The following ECE1 variants were observed in gnomAD, a reference collection of about 807,000 sequenced individuals.
ECE1 encodes the protein endothelin converting enzyme 1, also known as endothelin-converting enzyme 1.
In ECE1, 35 loss-of-function variants were observed where a neutral mutation model predicts 98.6. The observed-to-expected ratio is 0.35, with a 90% CI of 0.27 to 0.47. ECE1 has a LOEUF of 0.47. ECE1 is among the 20% of genes least tolerant of loss of function. The probability of loss-of-function intolerance (pLI) is 1.00; values close to 1 mark genes in which losing one functional copy is unlikely to be tolerated. For synonymous variants in ECE1, 394 were observed against 407.1 expected (o/e 0.97, Z 0.39); for missense variants, 814 against 1,025.3 (o/e 0.79, Z 2.81).
At position 21,221,851 on chromosome 1, in the gene ECE1, A is replaced by G. The variant is rs766352084; in HGVS notation, c.2041-9T>C. The G allele has an allele frequency of 1.2e-6, 2 of 1,613,832 alleles. No individual in the cohort carries two copies. Among genetic ancestry groups the G allele is most frequent in the Admixed American group, 3.3e-5 (2 of 60,004 alleles). Reference sequence around the variant, plus strand: ...ACCCAGTTCTGGTAAGCCTGGGAGGAGAGAAAACCAAAGCTCAGGGGTTCC... The same window carrying G: ...ACCCAGTTCTGGTAAGCCTGGGAGGGGAGAAAACCAAAGCTCAGGGGTTCC... On this transcript the variant is annotated splice_polypyrimidine_tract_variant and intron_variant, in intron 17 of 18. Transcript: ENST00000374893.
chr1:21,247,457 G>A, intron 8 of ECE1, 94 bp from the exon 9 acceptor site: 1 of 1,592,176 alleles, frequency 6.3e-7, no homozygotes, highest in Non-Finnish European at 8.6e-7. Flanking sequence ...AAAGGAAAGA[G>A]CTTGGGCTTG....
rs1024204978 is a variant in ECE1, at chr1:21,258,690, C to G, written c.762+3G>C. On this transcript the variant is annotated splice_donor_region_variant and intron_variant, in intron 6 of 18. Transcript: ENST00000374893. This position sits in a 1 kb window ranked among gnomAD's most constrained non-coding sequence, Gnocchi z 4.2. The stretch of plus-strand genomic sequence containing the variant: ...CGACCGCTGCAGGTTCAAGCTAGCT[C>G]ACCTGGATCACGTTGCTGTTGGAGT... The G allele has an allele frequency of 5.0e-6, 8 of 1,612,640 alleles. No individual in the cohort carries two copies. Among genetic ancestry groups the G allele is most frequent in the Non-Finnish European group, 6.8e-6 (8 of 1,179,202 alleles).
chr1:21,332,918 A>T (rs1639232669), intron 1 of ECE1, among the ~76,000 whole-genome samples: 1 of 152,024 alleles, frequency 6.6e-6, no homozygotes, highest in African/African-American at 2.4e-5. Flanking sequence ...ACATGTGTCA[A>T]CACTGTTACA....
At chr1:21,274,050 A>T (rs1024058162) in intron 3 of ECE1, among the ~76,000 whole-genome samples, 6 of 152,198 alleles carry the variant, frequency 3.9e-5, no homozygotes, top group Non-Finnish European at 5.9e-5. Context: ...GACCAAAGGG[A>T]CTTTACTGAA....
chr1:21,292,089 G>C (rs1219562354), upstream of ECE1, among the ~76,000 whole-genome samples: 1 of 151,964 alleles, frequency 6.6e-6, no homozygotes, highest in African/African-American at 2.4e-5. Flanking sequence ...CCAGGAGGTG[G>C]CGGCTACAGT....
chr1:21,238,425 AC>A (rs1184677428), intron 10 of ECE1, 181 bp from the exon 11 acceptor site: 1 of 644,140 alleles, frequency 1.6e-6, no homozygotes, highest in African/African-American at 1.8e-5. Context: ...CCTCACTCCC[AC>A]CCCCTGCCAT....
At chr1:21,241,810 T>G (rs1320642555) in intron 10 of ECE1, among the ~76,000 whole-genome samples, 1 of 151,992 alleles carries the variant, frequency 6.6e-6, no homozygotes, top group African/African-American at 2.4e-5. Flanking sequence ...CACGAAGTCC[T>G]GGAAGTACTA....
At chr1:21,268,684 G>C (rs949529339) in intron 4 of ECE1, among the ~76,000 whole-genome samples, 2 of 152,212 alleles carry the variant, frequency 1.3e-5, no homozygotes, top group African/African-American at 2.4e-5. Context: ...GAGTGGCCTG[G>C]GCACCTCCGG....
Position 21,279,190 on chromosome 1 carries a change from C to T in ECE1, c.280+1G>A. On this transcript the variant is annotated splice_donor_variant, in intron 3 of 18. Transcript: ENST00000374893. LOFTEE classifies it high-confidence loss of function. ...CCACCATGCAACACGAAGGCACCTACTTGTCTGGTACTGGATGCCCAGTGC... is the reference window on the plus strand; with the variant it reads ...CCACCATGCAACACGAAGGCACCTATTTGTCTGGTACTGGATGCCCAGTGC... 6.2e-7 allele frequency: 1 copy of T among 1,614,196 alleles called. No homozygotes were observed. Among genetic ancestry groups the T allele is most frequent in the Non-Finnish European group, 8.5e-7 (1 of 1,180,036 alleles).
chr1:21,234,401 A>G (rs1282369257), intron 13 of ECE1, among the ~76,000 whole-genome samples: 2 of 150,002 alleles, frequency 1.3e-5, no homozygotes, highest in African/African-American at 4.9e-5. Flanking sequence ...ACTAGATCTC[A>G]TAAGTAAAGT....
chr1:21,238,021 C>A, intron 11 of ECE1, 113 bp downstream of exon 11: 2 of 927,690 alleles, frequency 2.2e-6, no homozygotes, highest in Non-Finnish European at 1.8e-6. Context: ...GCCCTAAGGT[C>A]CCCTGCCCAG....
rs1639479501 is a variant in ECE1, at chr1:21,345,393, GC to G, written c.-16del. ...GCACTCACCATAGCTCGCGTGCTCC[GC>G]CCCGGCTTCGCGCAGCTCCCCGCGC... On this transcript the variant is annotated 5_prime_UTR_variant, in exon 1 of 19. Transcript: ENST00000415912. The surrounding 1 kb of genome is among the most constrained non-coding windows in gnomAD (Gnocchi z 5.1). 1.5e-6 allele frequency: 2 copies of G among 1,337,138 alleles called. No homozygotes were observed. Among genetic ancestry groups the G allele is most frequent in the Non-Finnish European group, 1.9e-6 (2 of 1,033,672 alleles). The allele number at this position is 1,337,138 out of a possible 1,614,324, so 82.8% of individuals were successfully genotyped here. A position where few individuals can be genotyped will look rare whatever the true frequency, so the allele number is the denominator to read the frequency against.
intron 4 of ECE1, among the ~76,000 whole-genome samples, chr1:21,263,367 T>A (rs1015513707): frequency 6.6e-6 from 1 of 151,520 alleles, no homozygotes; most frequent in Non-Finnish European, 1.5e-5. Context: ...ATTTATTTTT[T>A]TTTTTTTTGA....
intron 1 of ECE1, among the ~76,000 whole-genome samples, chr1:21,334,719 C>T (rs1639273858): frequency 6.6e-6 from 1 of 152,186 alleles, no homozygotes; most frequent in South Asian, 2.1e-4. Context: ...CCACAGGTAA[C>T]TTTTGCCCAC....
chr1:21,321,608 A>AGGAT (rs961772022), intron 1 of ECE1, among the ~76,000 whole-genome samples: 12 of 125,480 alleles, frequency 9.6e-5, no homozygotes, highest in African/African-American at 4.6e-4. Context: ...CCTGTCACAC[A>AGGAT]GGATTGATTG....
At chr1:21,339,105 T>C (rs1639353925) in intron 1 of ECE1, among the ~76,000 whole-genome samples, 1 of 151,862 alleles carries the variant, frequency 6.6e-6, no homozygotes, top group Non-Finnish European at 1.5e-5. Context: ...GAGGGGCTGT[T>C]ATCTGAGCTG....
intron 1 of ECE1, among the ~76,000 whole-genome samples, chr1:21,342,027 T>C (rs1354785014): frequency 6.6e-6 from 1 of 152,002 alleles, no homozygotes; most frequent in African/African-American, 2.4e-5. Context: ...TGCCCCACTT[T>C]GTAGGAAAGG....
At chr1:21,251,840 T>C (rs1390437433) in intron 8 of ECE1, among the ~76,000 whole-genome samples, 1 of 152,198 alleles carries the variant, frequency 6.6e-6, no homozygotes, top group African/African-American at 2.4e-5. Context: ...CTCTTATACC[T>C]GCTTGCCCAA....
At chr1:21,288,574 G>A (rs1375913442) in intron 2 of ECE1, among the ~76,000 whole-genome samples, 1 of 152,238 alleles carries the variant, frequency 6.6e-6, no homozygotes, top group Non-Finnish European at 1.5e-5. Flanking sequence ...GAGGATAACA[G>A]CAACATGGCA....
Sources: gnomAD v4.1 joint callset for allele counts (sites outside exome capture counted in the v4.1 genomes callset) on GRCh38, gnomAD v4.1.1 for gene constraint, Gnocchi (gnomAD v3.1) non-coding constraint, MANE v1.5 for transcripts, NCBI Gene and HGNC (gene_info 2026-07-23, HGNC 2026-07-21) for gene names.